The following CTNNA3 variants were observed in gnomAD, a reference collection of about 807,000 sequenced individuals.
The protein encoded by CTNNA3 is catenin alpha 3, also known as catenin alpha-3.
Under a neutral mutation model 95.7 loss-of-function variants are expected in CTNNA3, and 76 were observed. The observed-to-expected ratio is 0.79, with a 90% CI of 0.66 to 0.96. CTNNA3 has a LOEUF of 0.96. Among genes scored for constraint, CTNNA3 ranks in the 40% least tolerant of loss-of-function variants. The probability of loss-of-function intolerance (pLI) is 0.00; values close to 1 mark genes in which losing one functional copy is unlikely to be tolerated. For missense variants in CTNNA3, 1,191 were observed against 1,089.8 expected (o/e 1.09, Z -1.31); for synonymous variants, 431 against 374.4 (o/e 1.15, Z -1.74).
At chr10:66,866,885 CCA>C (rs1023611711) in intron 7 of CTNNA3, among the ~76,000 whole-genome samples, 18 of 152,258 alleles carry the variant, frequency 1.2e-4, no homozygotes, top group African/African-American at 4.3e-4. Context: ...CCCATAATTC[CCA>C]GATATTGTGG....
intron 11 of CTNNA3, among the ~76,000 whole-genome samples, chr10:66,394,765 T>C (rs2132540264): frequency 6.6e-6 from 1 of 152,086 alleles, no homozygotes; most frequent in Middle Eastern, 3.4e-3. Flanking sequence ...TATTATTCCT[T>C]TCTCATAGTT....
At chr10:66,389,587 ATACT>A (rs1370131127) in intron 11 of CTNNA3, among the ~76,000 whole-genome samples, 3 of 152,072 alleles carry the variant, frequency 2.0e-5, no homozygotes, top group Admixed American at 2.0e-4. Flanking sequence ...TTACTAAAAG[ATACT>A]TTGTTTGGTG....
At chr10:66,139,015 T>C (rs2083481312) in intron 13 of CTNNA3, among the ~76,000 whole-genome samples, 1 of 152,198 alleles carries the variant, frequency 6.6e-6, no homozygotes, top group Admixed American at 6.5e-5. Context: ...AAGCCAAAGT[T>C]TCCCCCAGGC....
At chr10:66,466,321 C>G (rs1254997215) in intron 11 of CTNNA3, among the ~76,000 whole-genome samples, 1 of 143,024 alleles carries the variant, frequency 7.0e-6, no homozygotes, top group Admixed American at 7.3e-5. Context: ...CACACACACA[C>G]ATACACGCAC....
intron 7 of CTNNA3, among the ~76,000 whole-genome samples, chr10:67,052,348 C>CTT (rs200063468): frequency 0.018 from 2,442 of 134,414 alleles, 239 homozygotes; most frequent in African/African-American, 0.048. Flanking sequence ...CTCTCTCTCT[C>CTT]TCTCTCATTA....
chr10:66,064,132 G>C (rs930720526), intron 15 of CTNNA3, among the ~76,000 whole-genome samples: 2 of 152,020 alleles, frequency 1.3e-5, no homozygotes, highest in Admixed American at 6.6e-5. Context: ...GAGAAGCAAG[G>C]CACCTTCTTT....
At chr10:66,488,263 T>G (rs2131925708) in intron 11 of CTNNA3, among the ~76,000 whole-genome samples, 1 of 152,288 alleles carries the variant, frequency 6.6e-6, no homozygotes, top group Non-Finnish European at 1.5e-5. Flanking sequence ...TTCATTACCT[T>G]TATAGTTAGC....
At chr10:66,446,377 G>A (rs150523976) in intron 11 of CTNNA3, among the ~76,000 whole-genome samples, 57,565 of 151,150 alleles carry the variant, frequency 0.38, 11,467 homozygotes, top group African/African-American at 0.5. Flanking sequence ...ACCAAAAAAG[G>A]TAATTTTAGA....
chr10:67,655,150 A>G (rs545683413), intron 1 of CTNNA3, among the ~76,000 whole-genome samples: 2 of 152,312 alleles, frequency 1.3e-5, no homozygotes, highest in South Asian at 4.1e-4. Flanking sequence ...ACACATACAC[A>G]CAGGTGTGCA....
intron 11 of CTNNA3, among the ~76,000 whole-genome samples, chr10:66,455,140 C>A (rs1183468267): frequency 1.3e-5 from 2 of 151,918 alleles, no homozygotes; most frequent in African/African-American, 4.8e-5. Context: ...CTAAGAAAAA[C>A]CTGTGACTAA....
intron 5 of CTNNA3, among the ~76,000 whole-genome samples, chr10:67,236,583 G>A (rs936742694): frequency 6.6e-6 from 1 of 151,746 alleles, no homozygotes; most frequent in Non-Finnish European, 1.5e-5. Context: ...AGTGGGTGTG[G>A]CGCGCCAACA....
chr10:65,957,036 G>C (rs1055120770), intron 17 of CTNNA3, among the ~76,000 whole-genome samples: 1 of 152,118 alleles, frequency 6.6e-6, no homozygotes, highest in African/African-American at 2.4e-5. Context: ...TCTCTTTGTA[G>C]GTCTCTAAGG....
At chr10:66,466,861 G>C (rs1203252406) in intron 11 of CTNNA3, among the ~76,000 whole-genome samples, 2 of 152,104 alleles carry the variant, frequency 1.3e-5, no homozygotes, top group Non-Finnish European at 2.9e-5. Flanking sequence ...TAGATGTAAA[G>C]TGTCACCTCC....
intron 13 of CTNNA3, among the ~76,000 whole-genome samples, chr10:66,223,896 T>C (rs1007098050): frequency 1.3e-5 from 2 of 152,004 alleles, no homozygotes; most frequent in African/African-American, 4.8e-5. Flanking sequence ...TGGTCTGAGT[T>C]GAACAAAAAG....
intron 5 of CTNNA3, among the ~76,000 whole-genome samples, chr10:67,466,110 T>A (rs1295543712): frequency 6.6e-6 from 1 of 152,206 alleles, no homozygotes; most frequent in African/African-American, 2.4e-5. Flanking sequence ...GTTCTTTGGA[T>A]CTAAAGACAT....
At chr10:67,411,238 A>G (rs1845356423) in intron 5 of CTNNA3, among the ~76,000 whole-genome samples, 1 of 152,168 alleles carries the variant, frequency 6.6e-6, no homozygotes, top group Non-Finnish European at 1.5e-5. Flanking sequence ...ATATGAGGTC[A>G]TGTGTATGCT....
chr10:67,199,844 T>G (rs1342259030), intron 6 of CTNNA3, among the ~76,000 whole-genome samples: 1 of 152,170 alleles, frequency 6.6e-6, no homozygotes, highest in African/African-American at 2.4e-5. Context: ...GATGTGCTAT[T>G]AAAGAGCATA....
At chr10:66,700,259 A>G (rs2132567774) in intron 9 of CTNNA3, among the ~76,000 whole-genome samples, 1 of 152,138 alleles carries the variant, frequency 6.6e-6, no homozygotes, top group Middle Eastern at 3.4e-3. Flanking sequence ...GTAGTTTTAG[A>G]GTTTCAACTC....
intron 1 of CTNNA3, among the ~76,000 whole-genome samples, chr10:67,674,337 G>A (rs1840496829): frequency 6.6e-6 from 1 of 152,026 alleles, no homozygotes; most frequent in African/African-American, 2.4e-5. Flanking sequence ...AAGGAAAGAG[G>A]CCTCAGAAGA....
Sources: gnomAD v4.1 joint callset for allele counts (sites outside exome capture counted in the v4.1 genomes callset) on GRCh38, gnomAD v4.1.1 for gene constraint, MANE v1.5 for transcripts, NCBI Gene and HGNC (gene_info 2026-07-23, HGNC 2026-07-21) for gene names.